The following SRBD1 variants were observed in gnomAD, a reference collection of about 807,000 sequenced individuals.
SRBD1 encodes the protein S1 RNA-binding domain-containing protein 1.
In SRBD1, 88 loss-of-function variants were observed where a neutral mutation model predicts 115.3. The ratio of observed to expected loss-of-function variants is 0.76; its 90% confidence interval spans 0.64 to 0.91. The LOEUF (loss-of-function observed/expected upper bound fraction) is 0.91, where lower values mean the gene tolerates loss of function less well. Ranked by LOEUF, SRBD1 falls within the 40% of genes least tolerant of loss-of-function variation. The pLI, the probability that SRBD1 is intolerant of heterozygous loss-of-function variation, is 0.00. For missense variants in SRBD1, 1,385 were observed against 1,177.4 expected, an observed-to-expected ratio of 1.18 and a Z score of -2.58; for synonymous variants, 509 against 407.7, an observed-to-expected ratio of 1.25 and a Z score of -2.99.
intron 9 of SRBD1, among the ~76,000 whole-genome samples, chr2:45,572,276 T>G (rs1208681450): frequency 6.6e-6 from 1 of 152,086 alleles, no homozygotes; most frequent in Non-Finnish European, 1.5e-5. Flanking sequence ...AATTCTATAT[T>G]TTAAAAACTC....
At chr2:45,439,360 C>CATAT (rs5830860) in intron 16 of SRBD1, among the ~76,000 whole-genome samples, 291 of 144,508 alleles carry the variant, frequency 2.0e-3, no homozygotes, top group African/African-American at 4.9e-3. Flanking sequence ...TATTCTAGGA[C>CATAT]ATATATATAT....
chr2:45,554,230 G>A (rs1672400099), intron 10 of SRBD1, among the ~76,000 whole-genome samples: 1 of 152,160 alleles, frequency 6.6e-6, no homozygotes. Flanking sequence ...AACCATGTGA[G>A]GACACAGCAA....
chr2:45,429,097 G>GA (rs1437833636), intron 16 of SRBD1, among the ~76,000 whole-genome samples: 1 of 152,052 alleles, frequency 6.6e-6, no homozygotes, highest in Non-Finnish European at 1.5e-5. Flanking sequence ...ACTACACCAG[G>GA]AAAAAGTCGA....
chr2:45,583,622 T>C (rs546952185), intron 5 of SRBD1, among the ~76,000 whole-genome samples: 1 of 152,318 alleles, frequency 6.6e-6, no homozygotes, highest in African/African-American at 2.4e-5. Context: ...CTATTCACTA[T>C]TTCATTTTTT....
chr2:45,454,259 G>A (rs944810745), intron 16 of SRBD1, among the ~76,000 whole-genome samples: 3 of 151,858 alleles, frequency 2.0e-5, no homozygotes, highest in African/African-American at 7.2e-5. Flanking sequence ...GGTACTGTGA[G>A]ATAATGACTG....
At chr2:45,533,866 TAAAAC>T (rs544875672) in intron 14 of SRBD1, among the ~76,000 whole-genome samples, 72 of 151,986 alleles carry the variant, frequency 4.7e-4, no homozygotes, top group Non-Finnish European at 8.5e-4. Flanking sequence ...GGCAAGAACT[TAAAAC>T]TAACAAAAAC....
At chr2:45,585,482 T>A (rs1361166438) in intron 5 of SRBD1, 126 bp downstream of exon 5, 3 of 1,031,046 alleles carry the variant, frequency 2.9e-6, no homozygotes, top group South Asian at 1.5e-5. Flanking sequence ...GAGGACTATA[T>A]CCAGATTACA....
intron 16 of SRBD1, among the ~76,000 whole-genome samples, chr2:45,439,792 G>GA (rs11347213): frequency 4.6e-4 from 65 of 142,638 alleles, no homozygotes; most frequent in South Asian, 1.8e-3. Context: ...AGATCATACC[G>GA]AAAAAAAAAA....
intron 10 of SRBD1, among the ~76,000 whole-genome samples, chr2:45,554,466 C>A (rs1261876590): frequency 6.6e-6 from 1 of 152,184 alleles, no homozygotes; most frequent in Non-Finnish European, 1.5e-5. Context: ...GTAGACTGAG[C>A]AAAGCAGAAA....
At chr2:45,410,618 A>G (rs1667573376) in intron 19 of SRBD1, among the ~76,000 whole-genome samples, 1 of 152,186 alleles carries the variant, frequency 6.6e-6, no homozygotes, top group Non-Finnish European at 1.5e-5. Flanking sequence ...GGGGTCCCCT[A>G]GATACCTTCA....
At chr2:45,526,570 CGCTGAATTAT>C (rs1414892259) in intron 14 of SRBD1, among the ~76,000 whole-genome samples, 1 of 151,698 alleles carries the variant, frequency 6.6e-6, no homozygotes, top group Non-Finnish European at 1.5e-5. Flanking sequence ...TATTAAAAAT[CGCTGAATTAT>C]ATACTTCAAA....
chr2:45,553,875 T>G (rs1452095075), intron 10 of SRBD1, 145 bp from the exon 11 acceptor site: 2 of 449,772 alleles, frequency 4.4e-6, no homozygotes, highest in Middle Eastern at 3.2e-4. Context: ...GGAAAGGCTG[T>G]GGTATCTGAA....
In SRBD1 at chr2:45,605,460, A is replaced by T. The variant is rs1352412954; in HGVS notation, c.1-19T>A. ...ATGACATCTAGAAGAAACAGAAAAT[A>T]AAATCAGCAACACTTGAATATTCTT... On this transcript the variant is annotated intron_variant, in intron 1 of 20. Coordinates refer to ENST00000263736, the MANE Select transcript of SRBD1 (RefSeq NM_018079.5). 6.2e-7 allele frequency: 1 copy of T among 1,606,254 alleles called. No homozygotes were observed. Among genetic ancestry groups the T allele is most frequent in the East Asian group, 2.2e-5 (1 of 44,786 alleles).
chr2:45,453,128 C>T (rs1249105965), intron 16 of SRBD1, among the ~76,000 whole-genome samples: 1 of 151,850 alleles, frequency 6.6e-6, no homozygotes, highest in Non-Finnish European at 1.5e-5. Flanking sequence ...TGATGAGATG[C>T]TTGGCAGCAA....
intron 14 of SRBD1, among the ~76,000 whole-genome samples, chr2:45,533,284 T>G (rs867462247): frequency 6.6e-6 from 1 of 152,026 alleles, no homozygotes; most frequent in Non-Finnish European, 1.5e-5. Flanking sequence ...ATTCACTACA[T>G]TACCTGTTGT....
At chr2:45,522,924 G>T (rs1232304447) in intron 14 of SRBD1, among the ~76,000 whole-genome samples, 1 of 152,004 alleles carries the variant, frequency 6.6e-6, no homozygotes, top group Non-Finnish European at 1.5e-5. Context: ...GGAGTCAAAA[G>T]TTATACACAA....
intron 19 of SRBD1, among the ~76,000 whole-genome samples, chr2:45,400,695 A>G (rs1452552653): frequency 6.6e-6 from 1 of 152,004 alleles, no homozygotes; most frequent in African/African-American, 2.4e-5. Flanking sequence ...AGCAATAATA[A>G]TCATATTAAC....
intron 14 of SRBD1, among the ~76,000 whole-genome samples, chr2:45,498,620 G>A (rs939910403): frequency 5.3e-5 from 8 of 151,806 alleles, no homozygotes; most frequent in Admixed American, 6.6e-5. Context: ...ACTGTACTAC[G>A]GAATACTAGA....
intron 19 of SRBD1, among the ~76,000 whole-genome samples, chr2:45,412,265 TA>T (rs910990146): frequency 3.7e-4 from 56 of 152,306 alleles, no homozygotes; most frequent in African/African-American, 1.0e-3. Context: ...TCTGTATGGC[TA>T]AATTTTTTCA....
Sources: allele counts gnomAD v4.1 joint callset (sites outside exome capture counted in the v4.1 genomes callset), GRCh38; gene constraint gnomAD v4.1.1; transcripts MANE v1.5; gene names NCBI Gene and HGNC (gene_info 2026-07-23, HGNC 2026-07-21).